The following UNC5B variants were observed in gnomAD, a reference collection of about 807,000 sequenced individuals.
UNC5B encodes netrin receptor UNC5B.
UNC5B carries 56 observed loss-of-function variants against 103.7 expected under a neutral mutation model. That is an observed-to-expected ratio of 0.54 (90% CI 0.44 to 0.67). The LOEUF (loss-of-function observed/expected upper bound fraction) is 0.67, where lower values mean the gene tolerates loss of function less well. Among genes scored for constraint, UNC5B ranks in the 30% least tolerant of loss-of-function variants. The pLI, the probability that UNC5B is intolerant of heterozygous loss-of-function variation, is 0.00. For synonymous variants in UNC5B, 577 were observed against 542.0 expected, an observed-to-expected ratio of 1.06 and a Z score of -0.90; for missense variants, 1,194 against 1,284.5, an observed-to-expected ratio of 0.93 and a Z score of 1.08.
At chr10:71,287,796 C>T in intron 6 of UNC5B, 31 bp downstream of exon 6, 2 of 1,595,270 alleles carry the variant, frequency 1.3e-6, no homozygotes, top group Non-Finnish European at 1.7e-6. Flanking sequence ...CCAGCCCCAC[C>T]CCGAACCCTG....
At chr10:71,223,569 A>G (rs1843492441) in intron 1 of UNC5B, among the ~76,000 whole-genome samples, 1 of 152,188 alleles carries the variant, frequency 6.6e-6, no homozygotes, top group Admixed American at 6.5e-5. Context: ...CAGCGGAGCC[A>G]CAGAGAATTA....
intron 1 of UNC5B, among the ~76,000 whole-genome samples, chr10:71,256,724 G>T (rs1007589379): frequency 3.2e-4 from 48 of 152,258 alleles, no homozygotes; most frequent in African/African-American, 1.1e-3. Context: ...CAGCACACCT[G>T]CCCGTGCATT....
intron 1 of UNC5B, among the ~76,000 whole-genome samples, chr10:71,248,867 TCACA>T (rs56852987): frequency 0.065 from 1,736 of 26,544 alleles, 34 homozygotes; most frequent in African/African-American, 0.12. Context: ...TCTCTCTCTC[TCACA>T]CACACACACA....
At chr10:71,224,364 G>GACACACACACACACACACACAC (rs58378731) in intron 1 of UNC5B, among the ~76,000 whole-genome samples, 6 of 97,350 alleles carry the variant, frequency 6.2e-5, no homozygotes, top group African/African-American at 2.3e-4. Flanking sequence ...TCTGTATGTA[G>GACACACACACACACACACACAC]ACACACACAC....
intron 1 of UNC5B, among the ~76,000 whole-genome samples, chr10:71,267,062 C>CG (rs1037070648): frequency 2.0e-5 from 3 of 152,090 alleles, no homozygotes; most frequent in Admixed American, 6.5e-5. Flanking sequence ...CAGGCATCCA[C>CG]GGGGGGTCTT....
chr10:71,218,888 C>T (rs557259891), intron 1 of UNC5B, among the ~76,000 whole-genome samples: 104 of 152,274 alleles, frequency 6.8e-4, no homozygotes, highest in African/African-American at 2.0e-3. Flanking sequence ...CTCAGGCTGA[C>T]GTGGCTGGGG....
intron 1 of UNC5B, among the ~76,000 whole-genome samples, chr10:71,215,458 T>C (rs1051070854): frequency 2.6e-5 from 4 of 152,134 alleles, no homozygotes; most frequent in Non-Finnish European, 5.9e-5. Flanking sequence ...TCTCTCTCCT[T>C]TTCCCCACCC....
intron 1 of UNC5B, among the ~76,000 whole-genome samples, chr10:71,233,424 T>A (rs9732438): frequency 6.6e-6 from 1 of 151,986 alleles, no homozygotes; most frequent in Admixed American, 6.5e-5. Context: ...TTGCCCAGAA[T>A]AACAGCCCGG....
In UNC5B at chr10:71,282,841, G is replaced by A. The variant is rs537712752; in HGVS notation, c.305-1879G>A. On this transcript the variant is annotated intron_variant, in intron 2 of 16. Coordinates refer to ENST00000335350, the MANE Select transcript of UNC5B (RefSeq NM_170744.5). Reference sequence around the variant, plus strand: ...GTCCAGAGAGGAGTTGTGGGGCCGGGCGCAGTGGCTCATGCCTGTAATCCC... The same window carrying A: ...GTCCAGAGAGGAGTTGTGGGGCCGGACGCAGTGGCTCATGCCTGTAATCCC... Among the ~76,000 whole-genome samples the A allele has an allele frequency of 3.3e-5, 5 of 152,336 alleles. No homozygotes were observed. In the South Asian group the frequency reaches 1.0e-3, roughly 32 times the overall value.
chr10:71,291,240 A>G (rs1048302449), intron 9 of UNC5B, 131 bp downstream of exon 9: 37 of 1,334,858 alleles, frequency 2.8e-5, no homozygotes, highest in Non-Finnish European at 3.7e-5. Flanking sequence ...AGAGATAACT[A>G]TGTGGATGGG....
intron 1 of UNC5B, among the ~76,000 whole-genome samples, chr10:71,267,026 C>G (rs891108392): frequency 6.6e-6 from 1 of 152,086 alleles, no homozygotes; most frequent in African/African-American, 2.4e-5. Flanking sequence ...AATCATCTGT[C>G]TAGAGCTTGG....
chr10:71,217,045 G>A (rs1843345068), intron 1 of UNC5B, among the ~76,000 whole-genome samples: 1 of 152,248 alleles, frequency 6.6e-6, no homozygotes, highest in Non-Finnish European at 1.5e-5. Flanking sequence ...CCTGGGCCCA[G>A]GGAAACTGCT....
At chr10:71,226,879 A>G (rs1287599087) in intron 1 of UNC5B, among the ~76,000 whole-genome samples, 1 of 152,240 alleles carries the variant, frequency 6.6e-6, no homozygotes, top group African/African-American at 2.4e-5. Context: ...GATACTTTTC[A>G]GATGAGATAG....
chr10:71,265,275 A>G (rs1844498253), intron 1 of UNC5B, among the ~76,000 whole-genome samples: 1 of 152,192 alleles, frequency 6.6e-6, no homozygotes, highest in Non-Finnish European at 1.5e-5. Context: ...CTTTGTGGCC[A>G]GGGAAGCCGT....
chr10:71,245,627 A>T (rs928884344), intron 1 of UNC5B, among the ~76,000 whole-genome samples: 3 of 152,218 alleles, frequency 2.0e-5, no homozygotes, highest in Non-Finnish European at 4.4e-5. Flanking sequence ...GCATGGCCAC[A>T]GACTAGGTCC....
chr10:71,261,376 G>A (rs1040243060), intron 1 of UNC5B, among the ~76,000 whole-genome samples: 7 of 152,280 alleles, frequency 4.6e-5, no homozygotes, highest in South Asian at 4.1e-4. Context: ...CCAGGTGGCC[G>A]TGCATTTGCC....
intron 3 of UNC5B, 145 bp downstream of exon 3, chr10:71,285,008 G>T: frequency 1.6e-6 from 2 of 1,259,932 alleles, no homozygotes; most frequent in Non-Finnish European, 2.1e-6. Context: ...GCACATGGAT[G>T]CCAGCTCAGA....
chr10:71,228,756 C>T (rs1843622139), intron 1 of UNC5B, among the ~76,000 whole-genome samples: 1 of 152,254 alleles, frequency 6.6e-6, no homozygotes, highest in African/African-American at 2.4e-5. Flanking sequence ...CACGGGGCCT[C>T]CTCTGTGCCC....
In UNC5B at chr10:71,299,194, G is replaced by C. The variant is rs1208461577; in HGVS notation, c.2755G>C (p.Asp919His). The C allele has an allele frequency of 8.1e-6, 13 of 1,614,150 alleles. No individual in the cohort carries two copies. Among genetic ancestry groups the C allele is most frequent in the Non-Finnish European group, 1.1e-5 (13 of 1,180,054 alleles). The change falls in exon 17 of 17, where the codon GAC (aspartate) becomes CAC (histidine). Residue 919 changes from aspartate to histidine, a missense_variant. Transcript: ENST00000335350. ...LWEALQQDDGDLNSLASALEE... is the reference protein window; with the variant it reads ...LWEALQQDDGHLNSLASALEE... ...GGAAGCTCTGCAGCAGGACGATGGGGACCTCAACAGCCTGGCGAGTGCCTT... is the reference window on the plus strand; with the variant it reads ...GGAAGCTCTGCAGCAGGACGATGGGCACCTCAACAGCCTGGCGAGTGCCTT...
Sources: allele counts gnomAD v4.1 joint callset (sites outside exome capture counted in the v4.1 genomes callset), GRCh38; gene constraint gnomAD v4.1.1; transcripts MANE v1.5; gene names NCBI Gene and HGNC (gene_info 2026-07-23, HGNC 2026-07-21).